USP3: variants seen among roughly 807,000 people sequenced by gnomAD.
USP3 encodes the protein ubiquitin specific peptidase 3, also known as ubiquitin carboxyl-terminal hydrolase 3.
In USP3, 20 loss-of-function variants were observed where a neutral mutation model predicts 72.3. The observed-to-expected ratio is 0.28, with a 90% confidence interval of 0.19 to 0.40. The LOEUF (loss-of-function observed/expected upper bound fraction) is 0.40. Among genes scored for constraint, USP3 ranks in the 10% least tolerant of loss-of-function variants. The pLI is 1.00. For missense variants in USP3, 479 were observed against 633.9 expected (o/e 0.76, Z 2.62); for synonymous variants, 222 against 225.3 (o/e 0.99, Z 0.13).
At chr15:63,547,868 G>GAC (rs1238903395) in intron 3 of USP3, among the ~76,000 whole-genome samples, 15 of 67,782 alleles carry the variant, frequency 2.2e-4, no homozygotes, top group Non-Finnish European at 4.6e-4. Context: ...GAGAGGCATA[G>GAC]AGAGAGAGAG....
rs901016306 is a variant in USP3 at position 63,553,692 on chromosome 15, A to G, written c.285-23A>G. The G allele has an allele frequency of 1.2e-6, 2 of 1,606,914 alleles. No homozygotes were observed. The highest frequency in any genetic ancestry group is 1.7e-6 in the Non-Finnish European group (2 of 1,176,524). ...TGGTTTCCTCAAGCTCTTTACACAC[A>G]TTGATTAATATTTTCCTTGCAGTTA... On this transcript the variant is annotated intron_variant, in intron 3 of 14. Coordinates refer to ENST00000380324, the MANE Select transcript of USP3 (RefSeq NM_006537.4). This position sits in a 1 kb window ranked among gnomAD's most constrained non-coding sequence, Gnocchi z 4.2.
chr15:63,588,674 A>G lies in USP3; in HGVS notation c.1216-28A>G, dbSNP rs2067123436. The stretch of plus-strand genomic sequence containing the variant: ...ACTGAAAGGTAAATTAGGTGTTCAC[A>G]ATCTTTGACCGCATCTCTGTCCTCC... On this transcript the variant is annotated intron_variant, in intron 12 of 14. Transcript: ENST00000380324. This position sits in a 1 kb window ranked among gnomAD's most constrained non-coding sequence, Gnocchi z 4.6. The G allele has an allele frequency of 6.5e-7, 1 of 1,543,980 alleles. No homozygotes were observed. Among genetic ancestry groups the G allele is most frequent in the African/African-American group, 1.4e-5 (1 of 73,106 alleles).
intron 11 of USP3, among the ~76,000 whole-genome samples, chr15:63,582,904 C>T (rs1313479651): frequency 7.9e-5 from 12 of 152,178 alleles, no homozygotes; most frequent in Admixed American, 7.9e-4. Context: ...CACATAAATG[C>T]AGATGAGTTA....
chr15:63,574,007 TCTTA>T lies in USP3; in HGVS notation c.909-36_909-33del. The T allele has an allele frequency of 7.0e-7, 1 of 1,422,168 alleles. No individual in the cohort carries two copies. The allele number at this position is 1,422,168 out of a possible 1,614,324, so 88.1% of individuals were successfully genotyped here. A position where few individuals can be genotyped will look rare whatever the true frequency, so the allele number is the denominator to read the frequency against. ...TTTTTTAAATGTCAAAGAGATGGCT[TCTTA>T]CTGAGATATTTTCCTGTGTGGTGAT... On this transcript the variant is annotated intron_variant, in intron 9 of 14. Transcript: ENST00000380324. This position sits in a 1 kb window ranked among gnomAD's most constrained non-coding sequence, Gnocchi z 4.6.
intron 11 of USP3, among the ~76,000 whole-genome samples, chr15:63,576,607 T>G (rs1200329309): frequency 2.0e-5 from 3 of 152,186 alleles, no homozygotes; most frequent in African/African-American, 7.2e-5. Flanking sequence ...CTGCCTTGCA[T>G]CCCACGGAGT....
At chr15:63,567,341 A>ATTT (rs1276442905) in intron 8 of USP3, among the ~76,000 whole-genome samples, 3 of 119,534 alleles carry the variant, frequency 2.5e-5, no homozygotes, top group South Asian at 2.6e-4. Flanking sequence ...TGCCTGGCTA[A>ATTT]TTTTTTTTTT....
intron 11 of USP3, chr15:63,587,586 T>A (rs2067098282): frequency 6.6e-6 from 1 of 152,242 alleles, no homozygotes; most frequent in African/African-American, 2.4e-5. Context: ...CAAGAACCTG[T>A]CATGATATTA....
intron 3 of USP3, among the ~76,000 whole-genome samples, chr15:63,545,358 G>A (rs1402696601): frequency 1.3e-5 from 2 of 152,066 alleles, no homozygotes; most frequent in African/African-American, 2.4e-5. Flanking sequence ...TTAATTAGGA[G>A]TTTATTAGCT....
At chr15:63,559,669 T>C (rs1315915577) in intron 6 of USP3, among the ~76,000 whole-genome samples, 188 bp from the exon 7 acceptor site, 1 of 152,220 alleles carries the variant, frequency 6.6e-6, no homozygotes, top group Non-Finnish European at 1.5e-5. Context: ...GTCATCTGTC[T>C]ATACTGTTTT....
intron 2 of USP3, 128 bp from the exon 3 acceptor site, chr15:63,536,897 C>G: frequency 1.0e-6 from 1 of 984,968 alleles, no homozygotes; most frequent in Non-Finnish European, 1.5e-6. Flanking sequence ...TATAATAAAT[C>G]ACTACATGAT....
At chr15:63,519,333 C>CTT (rs912507436) in intron 1 of USP3, among the ~76,000 whole-genome samples, 3 of 143,592 alleles carry the variant, frequency 2.1e-5, no homozygotes, top group African/African-American at 5.1e-5. Context: ...TGGCTTTTGG[C>CTT]TTTTTTTTTT....
At chr15:63,586,591 C>CTTTCT (rs1424820582) in intron 11 of USP3, 1 of 152,216 alleles carries the variant, frequency 6.6e-6, no homozygotes, top group Non-Finnish European at 1.5e-5. Flanking sequence ...AGTCAGTGCT[C>CTTTCT]TTTCTTTGTA....
intron 4 of USP3, among the ~76,000 whole-genome samples, chr15:63,554,739 T>C (rs1353309696): frequency 6.6e-6 from 1 of 152,232 alleles, no homozygotes; most frequent in Non-Finnish European, 1.5e-5. Flanking sequence ...ACATTATGTA[T>C]GTCTCATTGA....
chr15:63,559,800 T>G, intron 6 of USP3, 57 bp from the exon 7 acceptor site: 1 of 1,470,006 alleles, frequency 6.8e-7, no homozygotes, highest in Non-Finnish European at 9.2e-7. Context: ...TTCATCAACT[T>G]TCTTTACAGT....
At chr15:63,547,894 GAGGCAT>G (rs1434687343) in intron 3 of USP3, among the ~76,000 whole-genome samples, 15 of 145,230 alleles carry the variant, frequency 1.0e-4, no homozygotes, top group Non-Finnish European at 1.7e-4. Flanking sequence ...GAGAGAGAGA[GAGGCAT>G]AGAGAGAGGC....
rs1566912082 is a variant in USP3, at chr15:63,570,336, G to C, written c.762-97G>C. The stretch of plus-strand genomic sequence containing the variant: ...AGCCTGGCTGTGCTTGTGAGCACGG[G>C]GCTGCCGTCCTTTTCCACGCCTTGG... On this transcript the variant is annotated intron_variant, in intron 8 of 14. Coordinates refer to ENST00000380324, the MANE Select transcript of USP3 (RefSeq NM_006537.4). This position sits in a 1 kb window ranked among gnomAD's most constrained non-coding sequence, Gnocchi z 4.4. The C allele has an allele frequency of 6.5e-7, 1 of 1,528,528 alleles. No individual in the cohort carries two copies. 94.7% of individuals were successfully genotyped at this position (1,528,528 alleles called of 1,614,324 possible). A position where few individuals can be genotyped will look rare whatever the true frequency, so the allele number is the denominator to read the frequency against.
intron 1 of USP3, chr15:63,527,760 C>T (rs892774377): frequency 6.6e-6 from 1 of 152,260 alleles, no homozygotes; most frequent in Non-Finnish European, 1.5e-5. Context: ...TCCGGTCTCT[C>T]TTGATAAAGG....
intron 3 of USP3, among the ~76,000 whole-genome samples, chr15:63,552,387 C>T (rs1439025847): frequency 2.0e-5 from 3 of 152,112 alleles, no homozygotes; most frequent in Non-Finnish European, 4.4e-5. Flanking sequence ...AAACTTTTCA[C>T]TAATTTAATT....
Position 63,593,074 on chromosome 15 carries a change from G to T in USP3, c.*2248G>T, listed in dbSNP as rs2067233891. 1 of 152,202 alleles carries T rather than the reference G, an allele frequency of 6.6e-6. No homozygotes were observed. The highest frequency in any genetic ancestry group is 2.1e-4 in the South Asian group (1 of 4,828). The allele number at this position is 152,202 out of a possible 1,614,324, so 9.4% of individuals were successfully genotyped here. On this transcript the variant is annotated 3_prime_UTR_variant, in exon 15 of 15. Coordinates refer to ENST00000380324, the MANE Select transcript of USP3 (RefSeq NM_006537.4). ...GCACCCACATACGGCGTAGGACAAT[G>T]CTGGTCTAAATTTTCACTCCAAAGA...
Sources: gnomAD v4.1 joint callset for allele counts (sites outside exome capture counted in the v4.1 genomes callset) on GRCh38, gnomAD v4.1.1 for gene constraint, Gnocchi (gnomAD v3.1) non-coding constraint, MANE v1.5 for transcripts, NCBI Gene and HGNC (gene_info 2026-07-23, HGNC 2026-07-21) for gene names.